Variants in NUDT5 observed in about 807,000 individuals in gnomAD.
NUDT5 encodes the protein ADP-sugar pyrophosphatase.
In NUDT5, 21 loss-of-function variants were observed where a neutral mutation model predicts 34.1. That is an observed-to-expected ratio of 0.62 (90% CI 0.44 to 0.89). The LOEUF is 0.89. Ranked by LOEUF, NUDT5 falls within the 40% of genes least tolerant of loss-of-function variation. The pLI is 0.00. For synonymous variants in NUDT5, 85 were observed against 97.6 expected (o/e 0.87, Z 0.76); for missense variants, 249 against 274.8 (o/e 0.91, Z 0.66).
At position 12,175,616 on chromosome 10, in the gene NUDT5, T is replaced by A; in HGVS notation, c.290-1803A>T. Among the ~76,000 whole-genome samples, 1 of 151,862 alleles carries A rather than the reference T, an allele frequency of 6.6e-6. No homozygotes were observed. On this transcript the variant is annotated intron_variant, in intron 5 of 9. Transcript: ENST00000491614. The surrounding 1 kb of genome is among the most constrained non-coding windows in gnomAD (Gnocchi z 4.8). ...GTGATTGTGCCACTGCACTCCAACATGGGCAACAGAGCTAGACATAGTCTC... is the reference window on the plus strand; with the variant it reads ...GTGATTGTGCCACTGCACTCCAACAAGGGCAACAGAGCTAGACATAGTCTC...
chr10:12,176,531 G>A (rs1159921113), intron 5 of NUDT5, among the ~76,000 whole-genome samples: 2 of 152,000 alleles, frequency 1.3e-5, no homozygotes, highest in Non-Finnish European at 2.9e-5. Context: ...TTGAACCCGG[G>A]AGGTGGAGGC....
Position 12,184,938 on chromosome 10 carries a change from A to G in NUDT5, c.82T>C (p.Trp28Arg), listed in dbSNP as rs1835100861. 1 of 1,587,794 alleles carries G rather than the reference A, an allele frequency of 6.3e-7. No homozygotes were observed. The highest frequency in any genetic ancestry group is 8.6e-7 in the Non-Finnish European group (1 of 1,159,430). ...TACGTTGTTTTTTCAAGCTTGACCCATTTTCCTTCTGAAATTAACTAAAAG... is the reference window on the plus strand; with the variant it reads ...TACGTTGTTTTTTCAAGCTTGACCCGTTTTCCTTCTGAAATTAACTAAAAG... ...ISEELISEGK[W>R]VKLEKTTYMD... Residue 28 changes from tryptophan (W) to arginine (R), a missense_variant, in exon 3 of 10, where the codon TGG (tryptophan) becomes CGG (arginine). By Grantham distance (101) the Trp-to-Arg change is moderately radical (BLOSUM62 -3). Coordinates refer to ENST00000491614, the MANE Select transcript of NUDT5 (RefSeq NM_014142.4).
chr10:12,179,115 T>A lies in NUDT5; in HGVS notation c.149A>T (p.Lys50Ile), dbSNP rs749160635. 1 of 1,614,126 alleles carries A rather than the reference T, an allele frequency of 6.2e-7. No individual in the cohort carries two copies. Among genetic ancestry groups the A allele is most frequent in the East Asian group, 2.2e-5 (1 of 44,882 alleles). Reference protein sequence around the residue: ...TGKTRTWESVKRTTRKEQTAD... With the variant: ...TGKTRTWESVIRTTRKEQTAD... ...AGTCTGCTCTTTCCTGGTTGTACGT[T>A]TCACTGATTCCCAAGTTCTGTTCAG... is the stretch of plus-strand genomic sequence containing the variant. Residue 50 changes from lysine to isoleucine, a missense_variant, in exon 4 of 10, where the codon AAA becomes ATA. Lys to Ile is a moderately radical substitution (Grantham distance 102). Coordinates refer to ENST00000491614, the MANE Select transcript of NUDT5 (RefSeq NM_014142.4).
chr10:12,169,220 TC>T lies in NUDT5; in HGVS notation c.551-1410del. The T allele has an allele frequency of 1.4e-6, 2 of 1,396,322 alleles. No individual in the cohort carries two copies. The highest frequency in any genetic ancestry group is 2.0e-5 in the Admixed American group (1 of 49,888). The allele number at this position is 1,396,322 out of a possible 1,614,324, so 86.5% of individuals were successfully genotyped here. A position where few individuals can be genotyped will look rare whatever the true frequency, so the allele number is the denominator to read the frequency against. On this transcript the variant is annotated intron_variant, in intron 9 of 9. Coordinates refer to ENST00000491614, the MANE Select transcript of NUDT5 (RefSeq NM_014142.4). The surrounding 1 kb of genome is among the most constrained non-coding windows in gnomAD (Gnocchi z 4.8). Reference sequence around the variant, plus strand: ...TAGCCATAGTAGCCCTCTCTCCACCTCCCCTCACTTATTCTATTTTTTTCTC... The same window carrying T: ...TAGCCATAGTAGCCCTCTCTCCACCTCCCTCACTTATTCTATTTTTTTCTC...
chr10:12,177,749 C>T (rs746304235), intron 5 of NUDT5, 44 bp downstream of exon 5: 30 of 1,386,602 alleles, frequency 2.2e-5, no homozygotes, highest in Non-Finnish European at 3.0e-5. Flanking sequence ...TACCCTGGTT[C>T]AGGCCAACAT....
chr10:12,179,026 T>TA, intron 4 of NUDT5, 57 bp downstream of exon 4: 1 of 1,427,492 alleles, frequency 7.0e-7, no homozygotes. Context: ...AAAACCCTCT[T>TA]ACGATCACAA....
chr10:12,170,394 C>T lies in NUDT5; in HGVS notation c.550+323G>A, dbSNP rs941125916. ...AAGCTAACAGCTTATCTACCCACAC[C>T]TTTGCATTGCTATGGACTGAAGGTT... On this transcript the variant is annotated intron_variant, in intron 9 of 9. Coordinates refer to ENST00000491614, the MANE Select transcript of NUDT5 (RefSeq NM_014142.4). The surrounding 1 kb of genome is among the most constrained non-coding windows in gnomAD (Gnocchi z 4.9). 1.6e-6 allele frequency: 1 copy of T among 629,928 alleles called. No individual in the cohort carries two copies. The highest frequency in any genetic ancestry group is 2.7e-5 in the East Asian group (1 of 36,718). 39.0% of individuals were successfully genotyped at this position (629,928 alleles called of 1,614,324 possible). A position where few individuals can be genotyped will look rare whatever the true frequency, so the allele number is the denominator to read the frequency against.
chr10:12,186,485 A>C (rs1835131375), intron 1 of NUDT5, among the ~76,000 whole-genome samples, 153 bp from the exon 2 acceptor site: 1 of 152,202 alleles, frequency 6.6e-6, no homozygotes, highest in Non-Finnish European at 1.5e-5. Context: ...GCAGGTGGAA[A>C]TGTGAACAGG....
chr10:12,194,868 G>T (rs575406316), intron 1 of NUDT5, among the ~76,000 whole-genome samples: 2 of 145,472 alleles, frequency 1.4e-5, no homozygotes, highest in East Asian at 4.1e-4. Flanking sequence ...GGTTAAAAGC[G>T]GCTGGTTGGT....
intron 5 of NUDT5, among the ~76,000 whole-genome samples, chr10:12,174,453 G>C (rs1366835632): frequency 6.6e-6 from 1 of 151,586 alleles, no homozygotes; most frequent in Non-Finnish European, 1.5e-5. Context: ...TTGTAGTAGA[G>C]GCTAATTTGT....
At chr10:12,176,956 T>C (rs2131705266) in intron 5 of NUDT5, among the ~76,000 whole-genome samples, 1 of 152,018 alleles carries the variant, frequency 6.6e-6, no homozygotes, top group East Asian at 2.0e-4. Context: ...ACCCTGTCTC[T>C]ACAAAAAATA....
At chr10:12,179,241 C>A in intron 3 of NUDT5, 109 bp from the exon 4 acceptor site, 1 of 787,114 alleles carries the variant, frequency 1.3e-6, no homozygotes, top group South Asian at 1.6e-5. Flanking sequence ...CAAATGTACT[C>A]ATGATACTGG....
Position 12,169,834 on chromosome 10 carries a change from T to C in NUDT5, c.550+883A>G, listed in dbSNP as rs1234559493. On this transcript the variant is annotated intron_variant, in intron 9 of 9. Transcript: ENST00000491614. The surrounding 1 kb of genome is among the most constrained non-coding windows in gnomAD (Gnocchi z 4.8). ...AAACTCAGGGAAAAGCTTAAGAAAC[T>C]GGTCTTAAAGCTTCAGGCCAAACAA... 1.9e-5 allele frequency: 6 copies of C among 323,602 alleles called. No individual in the cohort carries two copies. Among genetic ancestry groups the C allele is most frequent in the Non-Finnish European group, 3.3e-5 (6 of 179,392 alleles). 20.0% of individuals were successfully genotyped at this position (323,602 alleles called of 1,614,324 possible). A position where few individuals can be genotyped will look rare whatever the true frequency, so the allele number is the denominator to read the frequency against.
intron 1 of NUDT5, among the ~76,000 whole-genome samples, chr10:12,194,173 C>A (rs1038687696): frequency 2.6e-5 from 4 of 152,248 alleles, no homozygotes; most frequent in African/African-American, 9.6e-5. Context: ...CCGCGCCCGG[C>A]CTATGCTCAA....
Position 12,169,272 on chromosome 10 carries a change from T to C in NUDT5, c.550+1445A>G. ...CCTTTTCTAAGACCAAAAGTGAAGT[T>C]AAGAAGGTGGAAGGGAGAAGGAAGA... is the stretch of plus-strand genomic sequence containing the variant. On this transcript the variant is annotated intron_variant, in intron 9 of 9. Transcript: ENST00000491614. This position sits in a 1 kb window ranked among gnomAD's most constrained non-coding sequence, Gnocchi z 4.8. 1.9e-6 allele frequency: 3 copies of C among 1,552,110 alleles called. No individual in the cohort carries two copies. The highest frequency in any genetic ancestry group is 2.6e-6 in the Non-Finnish European group (3 of 1,146,454).
intron 3 of NUDT5, among the ~76,000 whole-genome samples, chr10:12,184,045 T>C: frequency 6.6e-6 from 1 of 152,168 alleles, no homozygotes; most frequent in East Asian, 1.9e-4. Context: ...TACTTTCTTT[T>C]TGTTGTTGTT....
rs1363414468 is a variant in NUDT5 at position 12,173,802 on chromosome 10, C to G, written c.301G>C (p.Asp101His). The change falls in exon 6 of 10, where the codon GAT (aspartate) becomes CAT (histidine). Residue 101 changes from aspartate to histidine, a missense_variant. Asp to His is a moderately conservative substitution (Grantham distance 81, BLOSUM62 -1). Transcript: ENST00000491614. This position sits in a 1 kb window ranked among gnomAD's most constrained non-coding sequence, Gnocchi z 4.7. The part of the protein sequence containing the change: ...CIEFPAGLID[D>H]GETPEAAALR... ...GCAGCTGCTTCTGGGGTTTCACCAT[C>G]ATCTATGAGACCTGCAAGTCCAAAT... 1 of 1,613,118 alleles carries G rather than the reference C, an allele frequency of 6.2e-7. No individual in the cohort carries two copies. The highest frequency in any genetic ancestry group is 1.7e-5 in the Admixed American group (1 of 59,996).
rs1372570365 is a variant in NUDT5 at position 12,166,936 on chromosome 10, C to G, written c.*766G>C. 10 of 268,060 alleles carry G rather than the reference C, an allele frequency of 3.7e-5. No individual in the cohort carries two copies. The highest frequency in any genetic ancestry group is 7.8e-5 in the Non-Finnish European group (10 of 128,340). 16.6% of individuals were successfully genotyped at this position (268,060 alleles called of 1,614,324 possible). ...GCTGGTTCTGTTCATGGTTTAACAT[C>G]AAGATATTACTGCCCCAAACATGTC... On this transcript the variant is annotated 3_prime_UTR_variant, in exon 10 of 10. Transcript: ENST00000491614.
chr10:12,172,090 T>G (rs1346386326), intron 7 of NUDT5, among the ~76,000 whole-genome samples: 1 of 151,846 alleles, frequency 6.6e-6, no homozygotes, highest in Non-Finnish European at 1.5e-5. Flanking sequence ...CTGAAGAGGG[T>G]AAGAAGTTAA....
Sources: allele counts gnomAD v4.1 joint callset (sites outside exome capture counted in the v4.1 genomes callset), GRCh38; gene constraint gnomAD v4.1.1; non-coding constraint Gnocchi (gnomAD v3.1); transcripts MANE v1.5; gene names NCBI Gene and HGNC (gene_info 2026-07-23, HGNC 2026-07-21).